PRKCE: variants seen among roughly 807,000 people sequenced by gnomAD.
PRKCE encodes protein kinase C epsilon type.
Under a neutral mutation model 85.4 loss-of-function variants are expected in PRKCE, and 16 were observed. The observed-to-expected ratio is 0.19, with a 90% CI of 0.13 to 0.28. The LOEUF is 0.28. PRKCE is among the 10% of genes least tolerant of loss of function. The probability of loss-of-function intolerance (pLI) is 1.00; values close to 1 mark genes in which losing one functional copy is unlikely to be tolerated. For missense variants in PRKCE, 573 were observed against 975.2 expected, an observed-to-expected ratio of 0.59 and a Z score of 5.49; for synonymous variants, 388 against 371.5, an observed-to-expected ratio of 1.04 and a Z score of -0.51.
chr2:45,950,535 G>A (rs1700549396), intron 2 of PRKCE, among the ~76,000 whole-genome samples: 1 of 128,740 alleles, frequency 7.8e-6, no homozygotes, highest in African/African-American at 3.2e-5. Context: ...GAGGAACTCT[G>A]GCTGGATGAG....
chr2:45,884,890 T>C (rs1353435960), intron 2 of PRKCE, among the ~76,000 whole-genome samples: 1 of 149,156 alleles, frequency 6.7e-6, no homozygotes, highest in Non-Finnish European at 1.5e-5. Flanking sequence ...CACCTGTGCA[T>C]ATACACACGG....
At chr2:45,926,309 G>A (rs1162565600) in intron 2 of PRKCE, among the ~76,000 whole-genome samples, 1 of 152,164 alleles carries the variant, frequency 6.6e-6, no homozygotes, top group Non-Finnish European at 1.5e-5. Flanking sequence ...CTTTGTTTCA[G>A]GGCAACTGCC....
intron 5 of PRKCE, among the ~76,000 whole-genome samples, chr2:45,981,133 C>A (rs970078984): frequency 6.6e-6 from 1 of 152,174 alleles, no homozygotes; most frequent in Non-Finnish European, 1.5e-5. Flanking sequence ...GAAAATGCAA[C>A]AATGAAGCTA....
intron 10 of PRKCE, among the ~76,000 whole-genome samples, chr2:46,032,620 G>A (rs1299787429): frequency 6.6e-6 from 1 of 152,128 alleles, no homozygotes; most frequent in Admixed American, 6.5e-5. Flanking sequence ...TATTGGCTAG[G>A]CTGAAAAAAT....
chr2:45,931,730 A>T (rs1480133970), intron 2 of PRKCE, among the ~76,000 whole-genome samples: 1 of 151,752 alleles, frequency 6.6e-6, no homozygotes, highest in Admixed American at 6.6e-5. Flanking sequence ...TTTTTGAGAG[A>T]GAGTCTTGCT....
chr2:45,952,021 C>T (rs556874293), intron 2 of PRKCE, among the ~76,000 whole-genome samples: 12 of 152,244 alleles, frequency 7.9e-5, no homozygotes, highest in African/African-American at 1.7e-4. Flanking sequence ...TTAATAGAGA[C>T]GGAGTTTCAT....
At chr2:45,662,117 A>G (rs573224537) in intron 1 of PRKCE, among the ~76,000 whole-genome samples, 111 of 152,168 alleles carry the variant, frequency 7.3e-4, no homozygotes, top group Non-Finnish European at 1.4e-3. Context: ...TTAGAAGTTC[A>G]TCATTTGGTA....
chr2:46,122,084 A>T (rs1355026595), intron 11 of PRKCE, among the ~76,000 whole-genome samples: 1 of 152,162 alleles, frequency 6.6e-6, no homozygotes, highest in Non-Finnish European at 1.5e-5. Context: ...CCAAACGAAG[A>T]TACAGCATAT....
At chr2:45,735,363 A>T (rs1681966140) in intron 1 of PRKCE, among the ~76,000 whole-genome samples, 1 of 152,246 alleles carries the variant, frequency 6.6e-6, no homozygotes, top group South Asian at 2.1e-4. Flanking sequence ...GCAAAAAGGA[A>T]CAATCAAAGC....
chr2:46,047,983 A>C (rs1046146397), intron 10 of PRKCE, among the ~76,000 whole-genome samples: 38 of 152,306 alleles, frequency 2.5e-4, no homozygotes, highest in African/African-American at 9.1e-4. Context: ...AAGTACTTTG[A>C]AAATTGGAAG....
At chr2:45,680,913 A>G (rs1027704827) in intron 1 of PRKCE, among the ~76,000 whole-genome samples, 1 of 152,234 alleles carries the variant, frequency 6.6e-6, no homozygotes, top group African/African-American at 2.4e-5. Flanking sequence ...ACTGTGTTCC[A>G]GGCCACCAGA....
chr2:45,808,357 G>A (rs1688405376), intron 1 of PRKCE, among the ~76,000 whole-genome samples: 1 of 152,148 alleles, frequency 6.6e-6, no homozygotes, highest in East Asian at 1.9e-4. Context: ...AAATTGCCCA[G>A]GGAATATTGT....
At chr2:46,160,599 A>G (rs1237580825) in intron 14 of PRKCE, among the ~76,000 whole-genome samples, 4 of 151,934 alleles carry the variant, frequency 2.6e-5, no homozygotes, top group Admixed American at 6.5e-5. Flanking sequence ...GTGCAATGTA[A>G]GAGTTTATTA....
chr2:46,039,341 G>A (rs1214922341), intron 10 of PRKCE, among the ~76,000 whole-genome samples: 1 of 152,138 alleles, frequency 6.6e-6, no homozygotes, highest in South Asian at 2.1e-4. Flanking sequence ...GTTCCAGGGA[G>A]CTTGGAAGCC....
In PRKCE at chr2:45,889,578, G is replaced by C. The variant is rs540432105; in HGVS notation, c.412+46515G>C. On this transcript the variant is annotated intron_variant, in intron 2 of 14. Coordinates refer to ENST00000306156, the MANE Select transcript of PRKCE (RefSeq NM_005400.3). ...GTACTGGCTGTTGGTGGGGTGGGGT[G>C]GGGTGGGGGAAGCCCTCAAATCTGA... 2.0e-5 allele frequency among the ~76,000 whole-genome samples: 3 copies of C among 152,004 alleles called. No homozygotes were observed. In the East Asian group the frequency reaches 5.8e-4, roughly 29 times the overall value.
chr2:46,055,064 C>T (rs1666434079), intron 10 of PRKCE, among the ~76,000 whole-genome samples: 1 of 152,238 alleles, frequency 6.6e-6, no homozygotes, highest in African/African-American at 2.4e-5. Flanking sequence ...TTCGTGATCA[C>T]ATTCCTCCTG....
At chr2:46,123,463 A>T (rs1290029918) in intron 11 of PRKCE, among the ~76,000 whole-genome samples, 1 of 152,036 alleles carries the variant, frequency 6.6e-6, no homozygotes, top group Non-Finnish European at 1.5e-5. Flanking sequence ...CACATAGAAC[A>T]AAAGCAAACT....
chr2:45,933,766 G>GCACCCA (rs1699239661), intron 2 of PRKCE, among the ~76,000 whole-genome samples: 1 of 152,060 alleles, frequency 6.6e-6, no homozygotes, highest in African/African-American at 2.4e-5. Flanking sequence ...GTGAGCCACC[G>GCACCCA]CACCCAGCAT....
In PRKCE at chr2:45,652,431, C is replaced by T. The variant is rs1675164852; in HGVS notation, c.331C>T (p.Arg111Cys). The change falls in exon 1 of 15, where the codon CGC becomes TGC. Residue 111 changes from arginine to cysteine, a missense_variant. This residue lies in a region of PRKCE where 100 missense variants were observed against 177.1 expected (regional missense o/e 0.56). Coordinates refer to ENST00000306156, the MANE Select transcript of PRKCE (RefSeq NM_005400.3). The surrounding 1 kb of genome is among the most constrained non-coding windows in gnomAD (Gnocchi z 7.7). ...QFEELLQNGSRHFEDWIDLEP... is the reference protein window; with the variant it reads ...QFEELLQNGSCHFEDWIDLEP... ...TGAGGAGCTGCTGCAGAACGGGAGCCGCCACTTCGAGGACTGGGTGAGTGC... is the reference window on the plus strand; with the variant it reads ...TGAGGAGCTGCTGCAGAACGGGAGCTGCCACTTCGAGGACTGGGTGAGTGC... The T allele has an allele frequency of 6.2e-7, 1 of 1,608,850 alleles. No homozygotes were observed. The highest frequency in any genetic ancestry group is 8.5e-7 in the Non-Finnish European group (1 of 1,179,174).
Sources: gnomAD v4.1 joint callset for allele counts (sites outside exome capture counted in the v4.1 genomes callset) on GRCh38, gnomAD v4.1.1 for gene constraint, gnomAD v4.1.1 regional missense constraint, Gnocchi (gnomAD v3.1) non-coding constraint, MANE v1.5 for transcripts, NCBI Gene and HGNC (gene_info 2026-07-23, HGNC 2026-07-21) for gene names.